Variants in GRHL1 observed in about 807,000 individuals in gnomAD.
The protein encoded by GRHL1 is grainyhead like transcription factor 1, also known as grainyhead-like protein 1 homolog.
GRHL1 carries 38 observed loss-of-function variants against 75.7 expected under a neutral mutation model. That is an observed-to-expected ratio of 0.50 (90% CI 0.39 to 0.66). The LOEUF (loss-of-function observed/expected upper bound fraction) is 0.66. Ranked by LOEUF, GRHL1 falls within the 30% of genes least tolerant of loss-of-function variation. The probability of loss-of-function intolerance (pLI) is 0.00; values close to 1 mark genes in which losing one functional copy is unlikely to be tolerated. For synonymous variants in GRHL1, 266 were observed against 279.4 expected, an observed-to-expected ratio of 0.95 and a Z score of 0.48; for missense variants, 589 against 767.5, an observed-to-expected ratio of 0.77 and a Z score of 2.75.
rs1666775565 is a variant in GRHL1 at position 9,951,750 on chromosome 2, G to A, written c.-84G>A. 6 of 1,316,958 alleles carry A rather than the reference G, an allele frequency of 4.6e-6. No individual in the cohort carries two copies. In the South Asian group the frequency reaches 8.0e-5, roughly 17 times the overall value. 81.6% of individuals were successfully genotyped at this position (1,316,958 alleles called of 1,614,324 possible). Reference sequence around the variant, plus strand: ...CCGCCGCTCCGGACCCGCAGCCGCCGCCGCCGCCTCCTCCCCCCGGATCGG... The same window carrying A: ...CCGCCGCTCCGGACCCGCAGCCGCCACCGCCGCCTCCTCCCCCCGGATCGG... On this transcript the variant is annotated 5_prime_UTR_variant, in exon 1 of 16. Transcript: ENST00000324907. This position sits in a 1 kb window ranked among gnomAD's most constrained non-coding sequence, Gnocchi z 4.2.
rs779282951 is a variant in GRHL1 at position 9,961,300 on chromosome 2, A to T, written c.533A>T (p.Glu178Val). The change falls in exon 4 of 16, where the codon GAG becomes GTG. Residue 178 changes from glutamate to valine, a missense_variant. Around this residue, in one of 5 missense-constraint regions of GRHL1, gnomAD observed 362 missense variants for 461.8 expected, o/e 0.78. Coordinates refer to ENST00000324907, the MANE Select transcript of GRHL1 (RefSeq NM_198182.3). ...ATCCCCCCAGCAGTGTATCATCCTG[A>T]GCCCACTGAGCGGGTGGTGGTTTTC... ...VGIPPAVYHP[E>V]PTERVVVFDR... is the part of the protein sequence containing the mutation. The T allele has an allele frequency of 4.3e-6, 7 of 1,614,050 alleles. No homozygotes were observed. Among genetic ancestry groups the T allele is most frequent in the African/African-American group, 1.3e-5 (1 of 74,910 alleles).
intron 1 of GRHL1, among the ~76,000 whole-genome samples, chr2:9,953,277 A>G (rs947174053): frequency 6.6e-6 from 1 of 152,236 alleles, no homozygotes; most frequent in Non-Finnish European, 1.5e-5. Flanking sequence ...TTGAACAGCC[A>G]AGTGCTGTCA....
intron 8 of GRHL1, among the ~76,000 whole-genome samples, chr2:9,983,933 G>A (rs1668307390): frequency 1.3e-5 from 2 of 151,888 alleles, no homozygotes; most frequent in African/African-American, 4.8e-5. Context: ...GAGGTGGGCG[G>A]ATCATGAGGT....
intron 8 of GRHL1, among the ~76,000 whole-genome samples, chr2:9,967,131 G>A (rs1667528051): frequency 6.6e-6 from 1 of 152,196 alleles, no homozygotes; most frequent in Non-Finnish European, 1.5e-5. Flanking sequence ...AATTGTGGAG[G>A]AGGCGATAAA....
intron 8 of GRHL1, among the ~76,000 whole-genome samples, chr2:9,978,704 A>G (rs1384089411): frequency 6.6e-6 from 1 of 152,182 alleles, no homozygotes; most frequent in East Asian, 1.9e-4. Flanking sequence ...TTTAAAAAGG[A>G]AACCAGCCGG....
intron 12 of GRHL1, among the ~76,000 whole-genome samples, chr2:9,994,380 C>T (rs962912625): frequency 1.3e-5 from 2 of 151,286 alleles, no homozygotes; most frequent in Non-Finnish European, 2.9e-5. Context: ...AGGCAATCCT[C>T]CCGCCTCAGC....
intron 2 of GRHL1, among the ~76,000 whole-genome samples, chr2:9,956,038 T>C (rs1667008114): frequency 6.6e-6 from 1 of 152,250 alleles, no homozygotes; most frequent in Non-Finnish European, 1.5e-5. Context: ...ACAGGATCTG[T>C]TTGGGATTAC....
At chr2:9,956,806 C>T (rs1168033708) in intron 2 of GRHL1, among the ~76,000 whole-genome samples, 1 of 151,994 alleles carries the variant, frequency 6.6e-6, no homozygotes, top group African/African-American at 2.4e-5. Flanking sequence ...TTAACTGAAA[C>T]TTTTGAGAAT....
At chr2:9,973,922 C>G (rs1667839398) in intron 8 of GRHL1, among the ~76,000 whole-genome samples, 1 of 152,208 alleles carries the variant, frequency 6.6e-6, no homozygotes, top group African/African-American at 2.4e-5. Context: ...TGAAGTCAAA[C>G]AGGAAGTTTG....
chr2:9,953,151 A>G (rs1666866371), intron 1 of GRHL1: 4 of 454,206 alleles, frequency 8.8e-6, no homozygotes, highest in South Asian at 6.2e-5. Flanking sequence ...GAAATATGAA[A>G]CACCTTCAGG....
Position 9,962,312 on chromosome 2 carries a change from A to C in GRHL1, c.670-143A>C. The C allele has an allele frequency of 6.6e-6, 4 of 609,128 alleles. No individual in the cohort carries two copies. The South Asian group carries it at 8.5e-5, about 13-fold the overall frequency. The allele number at this position is 609,128 out of a possible 1,614,324, so 37.7% of individuals were successfully genotyped here. A position where few individuals can be genotyped will look rare whatever the true frequency, so the allele number is the denominator to read the frequency against. ...GTTTTAATTTTTTAAGTATTTGTAG[A>C]ATCAAAATTTTTACTCAAAAATAAA... is the stretch of plus-strand genomic sequence containing the variant. On this transcript the variant is annotated intron_variant, in intron 4 of 15. Coordinates refer to ENST00000324907, the MANE Select transcript of GRHL1 (RefSeq NM_198182.3).
intron 8 of GRHL1, among the ~76,000 whole-genome samples, chr2:9,978,627 C>A (rs554520710): frequency 6.6e-6 from 1 of 152,186 alleles, no homozygotes; most frequent in African/African-American, 2.4e-5. Flanking sequence ...GATGCTGCCT[C>A]GATGAGCACC....
chr2:10,000,594 A>G lies in GRHL1; in HGVS notation c.1744A>G (p.Ile582Val). The change falls in exon 16 of 16, where the codon ATC becomes GTC. Residue 582 changes from isoleucine (I) to valine (V), a missense_variant and splice_region_variant. By Grantham distance (29) the Ile-to-Val change is conservative. Transcript: ENST00000324907. ...TTGGTCTTGTCCCCCCCCATCCAGG[A>G]TCCTGGTGAACATGGACGACAACAT... The part of the protein sequence containing the change: ...GKIFKKCKKG[I>V]LVNMDDNIVK... 1 of 1,599,262 alleles carries G rather than the reference A, an allele frequency of 6.3e-7. No homozygotes were observed.
At chr2:9,975,824 T>C (rs1385631446) in intron 8 of GRHL1, among the ~76,000 whole-genome samples, 2 of 151,960 alleles carry the variant, frequency 1.3e-5, no homozygotes, top group Non-Finnish European at 2.9e-5. Flanking sequence ...AGTTGGAGGT[T>C]GCAGTGAGCC....
chr2:9,998,937 T>C (rs374889637), intron 14 of GRHL1, 28 bp from the exon 15 acceptor site: 1 of 1,256,322 alleles, frequency 8.0e-7, no homozygotes, highest in South Asian at 1.3e-5. Context: ...ATACAGGGTT[T>C]TGTAATTATT....
intron 1 of GRHL1, among the ~76,000 whole-genome samples, chr2:9,954,393 G>A (rs960406301): frequency 2.0e-5 from 3 of 152,234 alleles, no homozygotes; most frequent in East Asian, 1.9e-4. Context: ...GGAGGATTGC[G>A]TGAAGGATCC....
intron 8 of GRHL1, chr2:9,966,511 A>G (rs1220621427): frequency 6.6e-6 from 1 of 152,210 alleles, no homozygotes; most frequent in Non-Finnish European, 1.5e-5. Context: ...GCATTCTCTC[A>G]GAGACCTGGT....
In GRHL1 at chr2:9,995,924, T is replaced by C. The variant is rs1462075813; in HGVS notation, c.1545T>C (p.Ala515=). The C allele has an allele frequency of 6.2e-7, 1 of 1,613,402 alleles. No homozygotes were observed. Among genetic ancestry groups the C allele is most frequent in the South Asian group, 1.1e-5 (1 of 91,074 alleles). Residue 515 remains alanine, a synonymous_variant, in exon 13 of 16, where the codon GCT becomes GCC. Transcript: ENST00000324907. ...CGTACGGCACAGAAGATGACTTTGC[T>C]GTCCCTCCTTCTACCAAGCTGGCCC... ...RGPYGTEDDF[A]VPPSTKLARI...
chr2:9,986,970 A>C (rs1198600686), intron 9 of GRHL1, among the ~76,000 whole-genome samples: 1 of 151,294 alleles, frequency 6.6e-6, no homozygotes, highest in Non-Finnish European at 1.5e-5. Flanking sequence ...GGCTTCCCAA[A>C]ATGTAAAACA....
Sources: allele counts gnomAD v4.1 joint callset (sites outside exome capture counted in the v4.1 genomes callset), GRCh38; gene constraint gnomAD v4.1.1; regional missense constraint gnomAD v4.1.1; non-coding constraint Gnocchi (gnomAD v3.1); transcripts MANE v1.5; gene names NCBI Gene and HGNC (gene_info 2026-07-23, HGNC 2026-07-21).